CYSLTR1: variants seen among roughly 807,000 people sequenced by gnomAD.
CYSLTR1 encodes G-protein coupled receptor HG55.
A neutral mutation model predicts 2.1 loss-of-function variants in CYSLTR1; 1 was observed. That is an observed-to-expected ratio of 0.48 (90% CI 0.17 to 2.28). The LOEUF is 2.28. Ranked by LOEUF, CYSLTR1 falls within the 30% of genes most tolerant of loss-of-function variation. The pLI, the probability that CYSLTR1 is intolerant of heterozygous loss-of-function variation, is 0.26. For missense variants in CYSLTR1, 299 were observed against 250.1 expected (o/e 1.20, Z -1.32); for synonymous variants, 110 against 89.6 (o/e 1.23, Z -1.28).
chrX:78,316,436 G>A (rs989324244), intron 1 of CYSLTR1, among the ~76,000 whole-genome samples: 8 of 112,396 alleles, frequency 7.1e-5, no homozygotes, highest in African/African-American at 2.6e-4. Flanking sequence ...GGTGAGACCT[G>A]AAAGCCAAGT....
At chrX:78,294,597 T>C (rs1922497573) in intron 1 of CYSLTR1, among the ~76,000 whole-genome samples, 1 of 112,830 alleles carries the variant, frequency 8.9e-6, no homozygotes, top group South Asian at 3.6e-4. Flanking sequence ...GTGGAGTCTA[T>C]AGAGGCAGTA....
In CYSLTR1 at chrX:78,273,323, A is replaced by G; in HGVS notation, c.424T>C (p.Phe142Leu). ...AAAATCCAAATACCTACACACACAAACCTGGCTTTTTTCTGTGTAACCAAA... is the reference window on the plus strand; with the variant it reads ...AAAATCCAAATACCTACACACACAAGCCTGGCTTTTTTCTGTGTAACCAAA... ...INLVTQKKAR[F>L]VCVGIWIFVI... Residue 142 changes from phenylalanine (F) to leucine (L), a missense_variant, in exon 3 of 3, where the codon TTT becomes CTT. By Grantham distance (22) the Phe-to-Leu change is conservative (BLOSUM62 0). Coordinates refer to ENST00000373304, the MANE Select transcript of CYSLTR1 (RefSeq NM_006639.4). The G allele has an allele frequency of 8.3e-7, 1 of 1,211,164 alleles. No individual in the cohort carries two copies. The highest frequency in any genetic ancestry group is 1.1e-6 in the Non-Finnish European group (1 of 895,286).
chrX:78,307,879 T>C (rs1923084899), intron 1 of CYSLTR1, among the ~76,000 whole-genome samples: 1 of 111,091 alleles, frequency 9.0e-6, no homozygotes, highest in South Asian at 3.8e-4. Context: ...AAGGTGGGAG[T>C]GAAACAGAGT....
chrX:78,326,013 T>C (rs980164527), intron 1 of CYSLTR1, among the ~76,000 whole-genome samples: 3 of 111,676 alleles, frequency 2.7e-5, no homozygotes, highest in African/African-American at 9.8e-5. Context: ...AATAGCAAAC[T>C]TTTCTTAACC....
intron 1 of CYSLTR1, chrX:78,319,162 G>A (rs1219240762): frequency 3.7e-5 from 4 of 108,398 alleles, no homozygotes; most frequent in East Asian, 5.8e-4. Context: ...TGTACACAAC[G>A]TGCAGGTTTG....
intron 1 of CYSLTR1, among the ~76,000 whole-genome samples, chrX:78,300,031 T>C (rs1334565942): frequency 2.7e-5 from 3 of 109,993 alleles, no homozygotes; most frequent in African/African-American, 1.0e-4. Flanking sequence ...AAATGGCCTG[T>C]CTTGAAGTTT....
rs185248804 is a variant in CYSLTR1 at position 78,299,497 on chromosome X, T to A, written c.-114-15957A>T. Reference sequence around the variant, plus strand: ...CTGATGATAATAAAATTTCTCAGTTTTTTTTTTGTCTGGGAAAGTCTTTAT... The same window carrying A: ...CTGATGATAATAAAATTTCTCAGTTATTTTTTTGTCTGGGAAAGTCTTTAT... On this transcript the variant is annotated intron_variant, in intron 1 of 2. Coordinates refer to ENST00000373304, the MANE Select transcript of CYSLTR1 (RefSeq NM_006639.4). 3.5e-3 allele frequency among the ~76,000 whole-genome samples: 385 copies of A among 110,735 alleles called. 3 individuals are homozygous for A. The highest frequency in any genetic ancestry group is 0.012 in the African/African-American group (371 of 30,573).
At chrX:78,300,775 A>G (rs1922785622) in intron 1 of CYSLTR1, among the ~76,000 whole-genome samples, 1 of 112,776 alleles carries the variant, frequency 8.9e-6, no homozygotes, top group Non-Finnish European at 1.9e-5. Flanking sequence ...ATGATAGTGA[A>G]TAAGTCTTAT....
intron 1 of CYSLTR1, among the ~76,000 whole-genome samples, chrX:78,317,893 T>C (rs960601921): frequency 1.8e-5 from 2 of 111,725 alleles, no homozygotes; most frequent in Non-Finnish European, 3.8e-5. Flanking sequence ...GCCTGGGTGA[T>C]GGGAGCACTG....
intron 1 of CYSLTR1, among the ~76,000 whole-genome samples, chrX:78,309,469 G>A (rs1197404701): frequency 9.0e-6 from 1 of 111,659 alleles, no homozygotes; most frequent in Non-Finnish European, 1.9e-5. Context: ...GAAATGGCAT[G>A]ACAAAGAGTA....
chrX:78,324,430 C>T (rs1197012598), intron 1 of CYSLTR1, among the ~76,000 whole-genome samples: 4 of 111,937 alleles, frequency 3.6e-5, no homozygotes, highest in Admixed American at 9.4e-5. Context: ...TGCAGTGGCG[C>T]GATCTCGGCT....
rs192614059 is a variant in CYSLTR1 at position 78,294,260 on chromosome X, C to T, written c.-114-10720G>A. 9.2e-4 allele frequency among the ~76,000 whole-genome samples: 104 copies of T among 112,671 alleles called. 1 individual carries two copies. The highest frequency in any genetic ancestry group is 1.8e-3 in the African/African-American group (55 of 31,077). On this transcript the variant is annotated intron_variant, in intron 1 of 2. Coordinates refer to ENST00000373304, the MANE Select transcript of CYSLTR1 (RefSeq NM_006639.4). ...GAGTTTGCTGGAGTTCCACTCCAGA[C>T]GCTGTTTGCCTGGGTATCACCAGTG...
At chrX:78,302,325 C>T (rs1246932123) in intron 1 of CYSLTR1, among the ~76,000 whole-genome samples, 1 of 112,014 alleles carries the variant, frequency 8.9e-6, no homozygotes, top group Non-Finnish European at 1.9e-5. Context: ...TCCCCTCTGG[C>T]CCAGGGAAGG....
intron 1 of CYSLTR1, among the ~76,000 whole-genome samples, chrX:78,316,435 T>G (rs1923421888): frequency 8.9e-6 from 1 of 112,331 alleles, no homozygotes; most frequent in African/African-American, 3.2e-5. Context: ...GGGTGAGACC[T>G]GAAAGCCAAG....
At position 78,273,778 on chromosome X, in the gene CYSLTR1, A is replaced by G. The variant is rs183514159; in HGVS notation, c.-27-5T>C. 194 of 1,143,229 alleles carry G rather than the reference A, an allele frequency of 1.7e-4. 1 individual carries two copies. In the African/African-American group the frequency reaches 3.0e-3, roughly 18 times the overall value. 94.2% of individuals were successfully genotyped at this position (1,143,229 alleles called of 1,213,427 possible). On this transcript the variant is annotated splice_region_variant and splice_polypyrimidine_tract_variant and intron_variant, in intron 2 of 2. Coordinates refer to ENST00000373304, the MANE Select transcript of CYSLTR1 (RefSeq NM_006639.4). ...CTACGAATGTCTGCTTTGTGCCTATAATAAATAAAAAAAATTGTCAATTTT... is the reference window on the plus strand; with the variant it reads ...CTACGAATGTCTGCTTTGTGCCTATGATAAATAAAAAAAATTGTCAATTTT...
At chrX:78,310,210 C>T (rs1434089943) in intron 1 of CYSLTR1, among the ~76,000 whole-genome samples, 2 of 111,324 alleles carry the variant, frequency 1.8e-5, no homozygotes, top group Non-Finnish European at 3.8e-5. Context: ...AATAATATTC[C>T]CTCCTAACTG....
chrX:78,297,973 A>G (rs1298960862), intron 1 of CYSLTR1, among the ~76,000 whole-genome samples: 1 of 110,546 alleles, frequency 9.0e-6, no homozygotes, highest in Non-Finnish European at 1.9e-5. Context: ...TAGATTGCTC[A>G]TTTGAAGTTT....
chrX:78,312,596 G>A (rs367913390), intron 1 of CYSLTR1, among the ~76,000 whole-genome samples: 7 of 111,521 alleles, frequency 6.3e-5, no homozygotes, highest in African/African-American at 2.3e-4. Context: ...TCTAATATCC[G>A]GAATCTATAA....
intron 2 of CYSLTR1, among the ~76,000 whole-genome samples, chrX:78,275,879 A>G (rs935227013): frequency 8.9e-6 from 1 of 111,828 alleles, no homozygotes; most frequent in African/African-American, 3.2e-5. Context: ...AATCTAGAAC[A>G]TGGTTGACTC....
Sources: allele counts gnomAD v4.1 joint callset (sites outside exome capture counted in the v4.1 genomes callset), GRCh38; gene constraint gnomAD v4.1.1; transcripts MANE v1.5; gene names NCBI Gene and HGNC (gene_info 2026-07-23, HGNC 2026-07-21).